CRYBG2: variants seen among roughly 807,000 people sequenced by gnomAD.
CRYBG2 encodes the protein beta/gamma crystallin domain-containing protein 2.
CRYBG2 carries 106 observed loss-of-function variants against 153.4 expected under a neutral mutation model. The ratio of observed to expected loss-of-function variants is 0.69; its 90% confidence interval spans 0.59 to 0.81. CRYBG2 has a LOEUF of 0.81. Among genes scored for constraint, CRYBG2 ranks in the 30% least tolerant of loss-of-function variants. CRYBG2 has a pLI of 0.00. For missense variants in CRYBG2, 1,996 were observed against 2,112.0 expected (o/e 0.95, Z 1.08); for synonymous variants, 851 against 877.8 (o/e 0.97, Z 0.54).
chr1:26,333,962 G>A (rs1570179083), intron 14 of CRYBG2, among the ~76,000 whole-genome samples: 1 of 152,196 alleles, frequency 6.6e-6, no homozygotes, highest in Non-Finnish European at 1.5e-5. Flanking sequence ...AGTACTATAG[G>A]TGCATGACAC....
intron 17 of CRYBG2, chr1:26,326,639 AT>A (rs911503658): frequency 5.8e-5 from 12 of 205,538 alleles, no homozygotes; most frequent in African/African-American, 2.5e-4. Flanking sequence ...AAAAAATGTG[AT>A]TTTTTTCTTT....
At chr1:26,337,792 G>T in intron 8 of CRYBG2, 118 bp from the exon 9 acceptor site, 2 of 1,415,814 alleles carry the variant, frequency 1.4e-6, no homozygotes, top group South Asian at 1.3e-5. Flanking sequence ...CCTCCTTGCT[G>T]AACTCCATCC....
At chr1:26,328,994 C>T (rs1409849244) in intron 15 of CRYBG2, 121 bp from the exon 16 acceptor site, 2 of 1,225,870 alleles carry the variant, frequency 1.6e-6, no homozygotes, top group African/African-American at 1.5e-5. Flanking sequence ...CTCCTGAGCT[C>T]AGTTCTGCAG....
chr1:26,331,744 GAA>G (rs2073999771), intron 14 of CRYBG2, 126 bp from the exon 15 acceptor site: 1 of 1,278,054 alleles, frequency 7.8e-7, no homozygotes, highest in East Asian at 2.4e-5. Context: ...GAGGTGGGAT[GAA>G]CAGGCACTAC....
intron 7 of CRYBG2, 71 bp from the exon 8 acceptor site, chr1:26,338,118 T>A: frequency 6.4e-7 from 1 of 1,571,616 alleles, no homozygotes. Context: ...GATCTAGGAT[T>A]TTCCTGATCC....
chr1:26,328,728 A>C lies in CRYBG2; in HGVS notation c.4454+6T>G. ...CACCGCACCCATGCCTCCCCTCAGC[A>C]CTCACATGCCCCCCTTGATCCGCAC... On this transcript the variant is annotated splice_donor_region_variant and intron_variant, in intron 16 of 19. Transcript: ENST00000308182. 1 of 1,610,524 alleles carries C rather than the reference A, an allele frequency of 6.2e-7. No individual in the cohort carries two copies. The highest frequency in any genetic ancestry group is 1.3e-5 in the African/African-American group (1 of 74,610).
intron 18 of CRYBG2, among the ~76,000 whole-genome samples, chr1:26,322,796 C>T (rs887929749): frequency 3.3e-5 from 5 of 152,180 alleles, no homozygotes; most frequent in African/African-American, 1.2e-4. Context: ...AGCCATCTCT[C>T]TCATTCTAAG....
intron 14 of CRYBG2, among the ~76,000 whole-genome samples, chr1:26,332,451 T>C (rs898250983): frequency 2.6e-5 from 4 of 152,158 alleles, no homozygotes; most frequent in Non-Finnish European, 4.4e-5. Context: ...AAACTTCCTT[T>C]AAAAAACTGA....
At chr1:26,327,875 A>C (rs552641706) in intron 17 of CRYBG2, among the ~76,000 whole-genome samples, 4 of 146,414 alleles carry the variant, frequency 2.7e-5, no homozygotes. Flanking sequence ...TAAACCCGGG[A>C]GGTGGAGGCT....
In CRYBG2 at chr1:26,324,305, CCGG is replaced by C; in HGVS notation, c.4581_4583del (p.Arg1528del). 6.2e-7 allele frequency: 1 copy of C among 1,605,268 alleles called. No individual in the cohort carries two copies. Among genetic ancestry groups the C allele is most frequent in the Non-Finnish European group, 8.5e-7 (1 of 1,178,492 alleles). On this transcript the variant is annotated inframe_deletion and splice_region_variant, in exon 18 of 20. Transcript: ENST00000308182. ...CTGCATTCCAGAGGCGGAAATAAAC[CCGG>C]CGCTGGTGGCAGAAAGAGGCTGAGA...
At chr1:26,326,043 C>T (rs1262220078) in intron 17 of CRYBG2, among the ~76,000 whole-genome samples, 1 of 152,036 alleles carries the variant, frequency 6.6e-6, no homozygotes, top group Non-Finnish European at 1.5e-5. Flanking sequence ...CACAAGCCAT[C>T]ACACCTAGCT....
At chr1:26,330,803 T>C (rs1004923930) in intron 15 of CRYBG2, among the ~76,000 whole-genome samples, 3 of 152,036 alleles carry the variant, frequency 2.0e-5, no homozygotes, top group African/African-American at 4.8e-5. Context: ...CCTCTCAAAG[T>C]GCTGGGATTA....
chr1:26,345,911 AG>A lies in CRYBG2; in HGVS notation c.746del (p.Pro249LeufsTer26), dbSNP rs969746389. On this transcript the variant is annotated frameshift_variant, in exon 2 of 20. Transcript: ENST00000308182. LOFTEE classifies it high-confidence loss of function. Reference sequence around the variant, plus strand: ...CCGTGGGCCTGGGCAGGTGACTGGCAGGGGGGCTGTGCCCAGCAGGCACGAG... The same window carrying A: ...CCGTGGGCCTGGGCAGGTGACTGGCAGGGGGCTGTGCCCAGCAGGCACGAG... Reference protein sequence around the residue: ...SNLVPAGHSPPASHLPRPTAG... With the variant: ...SNLVPAGHSPXASHLPRPTAG... 1.1e-5 allele frequency: 18 copies of A among 1,597,096 alleles called. No homozygotes were observed. The highest frequency in any genetic ancestry group is 1.3e-5 in the African/African-American group (1 of 74,918).
chr1:26,322,684 G>C (rs1642506676), intron 18 of CRYBG2, among the ~76,000 whole-genome samples: 1 of 152,160 alleles, frequency 6.6e-6, no homozygotes, highest in African/African-American at 2.4e-5. Flanking sequence ...TTCCTCACCT[G>C]TAAAATGGGG....
At position 26,336,972 on chromosome 1, in the gene CRYBG2, C is replaced by A. The variant is rs1438821918; in HGVS notation, c.3780G>T (p.Gly1260=). ...CCTCAAATAGCACGACGGCCGGGTC[C>A]CCGAAGTCCTGGGTCCCCAGGGACA... ...TSLRVIRTDF[G]DPAVVLFEAM... is the part of the protein sequence containing the mutation. Residue 1260 remains glycine, a synonymous_variant, in exon 11 of 20, where the codon GGG becomes GGT. Coordinates refer to ENST00000308182, the MANE Select transcript of CRYBG2 (RefSeq NM_001039775.4). This position sits in a 1 kb window ranked among gnomAD's most constrained non-coding sequence, Gnocchi z 4.9. 6.2e-7 allele frequency: 1 copy of A among 1,613,678 alleles called. No homozygotes were observed. Among genetic ancestry groups the A allele is most frequent in the Admixed American group, 1.7e-5 (1 of 59,986 alleles).
chr1:26,341,350 T>A (rs1338535499), intron 5 of CRYBG2, among the ~76,000 whole-genome samples: 2 of 151,276 alleles, frequency 1.3e-5, no homozygotes, highest in African/African-American at 2.4e-5. Flanking sequence ...CAAAAAAAAA[T>A]AAAAAAATCA....
chr1:26,328,219 G>A lies in CRYBG2; in HGVS notation c.4568C>T (p.Pro1523Leu). The A allele has an allele frequency of 6.4e-7, 1 of 1,564,468 alleles. No homozygotes were observed. Among genetic ancestry groups the A allele is most frequent in the South Asian group, 1.2e-5 (1 of 85,006 alleles). Reference protein sequence around the residue: ...SGTQRVGSLYPIKQRRVYFRL... With the variant: ...SGTQRVGSLYLIKQRRVYFRL... ...AGCCACGCTACCCACCTGCTTGATG[G>A]GGTAGAGGGAGCCCACCCTCTGGGT... The change falls in exon 17 of 20, where the codon CCC becomes CTC. Residue 1523 changes from proline to leucine, a missense_variant. Physicochemically the swap from Pro to Leu is moderately conservative, Grantham distance 98 (BLOSUM62 -3). Coordinates refer to ENST00000308182, the MANE Select transcript of CRYBG2 (RefSeq NM_001039775.4).
chr1:26,336,472 C>T lies in CRYBG2; in HGVS notation c.4039-102G>A, dbSNP rs775314701. 5.2e-6 allele frequency: 8 copies of T among 1,551,700 alleles called. No homozygotes were observed. The South Asian group carries it at 7.1e-5, about 14-fold the overall frequency. The stretch of plus-strand genomic sequence containing the variant: ...CCACCCCGCGGCCGCGCCCTCGGCC[C>T]CGCCCCCTTCTAAGGCCCCGCCCCA... On this transcript the variant is annotated intron_variant, in intron 12 of 19. Coordinates refer to ENST00000308182, the MANE Select transcript of CRYBG2 (RefSeq NM_001039775.4). This position sits in a 1 kb window ranked among gnomAD's most constrained non-coding sequence, Gnocchi z 4.9.
In CRYBG2 at chr1:26,343,748, C is replaced by T. The variant is rs1157665449; in HGVS notation, c.2910G>A (p.Gly970=). The part of the protein sequence containing the change: ...EKLACSLPLE[G]WSPALKTQGK... ...GCCCACCCGAGGCCTCACTTACCCA[C>T]CCCTCCAGGGGCAGGGAACAGGCAA... Residue 970 remains glycine, a synonymous_variant, in exon 2 of 20, where the codon GGG becomes GGA. Transcript: ENST00000308182. The surrounding 1 kb of genome is among the most constrained non-coding windows in gnomAD (Gnocchi z 4.1). The T allele has an allele frequency of 6.9e-7, 1 of 1,445,874 alleles. No individual in the cohort carries two copies. Among genetic ancestry groups the T allele is most frequent in the Non-Finnish European group, 9.1e-7 (1 of 1,096,964 alleles). 89.6% of individuals were successfully genotyped at this position (1,445,874 alleles called of 1,614,324 possible).
Sources: gnomAD v4.1 joint callset for allele counts (sites outside exome capture counted in the v4.1 genomes callset) on GRCh38, gnomAD v4.1.1 for gene constraint, Gnocchi (gnomAD v3.1) non-coding constraint, MANE v1.5 for transcripts, NCBI Gene and HGNC (gene_info 2026-07-23, HGNC 2026-07-21) for gene names.